Variants in SPRR3 observed in about 807,000 individuals in gnomAD.
SPRR3 encodes small proline rich protein 3.
For missense variants in SPRR3, 183 were observed against 200.3 expected (o/e 0.91, Z 0.52); for synonymous variants, 58 against 72.3 (o/e 0.80, Z 1.01).
rs1652786097 is a variant in SPRR3, at chr1:153,001,793, G to A, written c.-20G>A. 1 of 152,224 alleles carries A rather than the reference G, an allele frequency of 6.6e-6. No individual in the cohort carries two copies. Among genetic ancestry groups the A allele is most frequent in the Non-Finnish European group, 1.5e-5 (1 of 68,032 alleles). The allele number at this position is 152,224 out of a possible 1,614,324, so 9.4% of individuals were successfully genotyped here. A position where few individuals can be genotyped will look rare whatever the true frequency, so the allele number is the denominator to read the frequency against. ...ACACCTCGACCTTCTCTGCACAGCAGGTGAGTCTCCGCATTAGGAACACCT... is the reference window on the plus strand; with the variant it reads ...ACACCTCGACCTTCTCTGCACAGCAAGTGAGTCTCCGCATTAGGAACACCT... On this transcript the variant is annotated splice_region_variant and 5_prime_UTR_variant, in exon 1 of 2. Coordinates refer to ENST00000295367, the MANE Select transcript of SPRR3 (RefSeq NM_001097589.2).
In SPRR3 at chr1:153,003,372, C is replaced by G. The variant is rs552941226; in HGVS notation, c.352C>G (p.Pro118Ala). 2 of 1,614,042 alleles carry G rather than the reference C, an allele frequency of 1.2e-6. No individual in the cohort carries two copies. Among genetic ancestry groups the G allele is most frequent in the Non-Finnish European group, 1.7e-6 (2 of 1,180,000 alleles). The stretch of plus-strand genomic sequence containing the variant: ...CCCTGAACCAGGCAGCATCAAGGTC[C>G]CTGACCAAGGCTTCATCAAGTTTCC... ...KVPEPGSIKV[P>A]DQGFIKFPEP... The change falls in exon 2 of 2, where the codon CCT (proline) becomes GCT (alanine). Residue 118 changes from proline to alanine, a missense_variant. Transcript: ENST00000295367.
Position 153,001,774 on chromosome 1 carries a change from C to T in SPRR3, c.-39C>T, listed in dbSNP as rs1454111341. ...ACCAGATCCCAGAGGCTGAACACCT[C>T]GACCTTCTCTGCACAGCAGGTGAGT... On this transcript the variant is annotated 5_prime_UTR_variant, in exon 1 of 2. Transcript: ENST00000295367. The T allele has an allele frequency of 2.0e-5, 3 of 152,226 alleles. No individual in the cohort carries two copies. The highest frequency in any genetic ancestry group is 4.8e-5 in the African/African-American group (2 of 41,458). The allele number at this position is 152,226 out of a possible 1,614,324, so 9.4% of individuals were successfully genotyped here.
Position 153,003,594 on chromosome 1 carries a change from G to T in SPRR3, c.*64G>T. The T allele has an allele frequency of 3.8e-6, 6 of 1,580,786 alleles. No homozygotes were observed. Among genetic ancestry groups the T allele is most frequent in the Non-Finnish European group, 5.2e-6 (6 of 1,162,010 alleles). ...GATGCTGGACACCCTCTTCCCATCT[G>T]TTTCTGTGTCTTAATTGTCTGTAGA... On this transcript the variant is annotated 3_prime_UTR_variant, in exon 2 of 2. Transcript: ENST00000295367.
rs777203750 is a variant in SPRR3 at position 153,003,205 on chromosome 1, CTG to C, written c.186_187del (p.Glu63AlafsTer8). ...CCAGAGCCAGGCTGTACCAAGGTCC[CTG>C]AGCCAGGCTGTACCAAGGTCCCTGA... On this transcript the variant is annotated frameshift_variant, in exon 2 of 2. Transcript: ENST00000295367. LOFTEE classifies it low-confidence loss of function (END_TRUNC). The C allele has an allele frequency of 1.2e-5, 14 of 1,217,242 alleles. No homozygotes were observed. The highest frequency in any genetic ancestry group is 1.2e-4 in the East Asian group (2 of 16,354). The allele number at this position is 1,217,242 out of a possible 1,614,324, so 75.4% of individuals were successfully genotyped here.
At position 153,003,511 on chromosome 1, in the gene SPRR3, A is replaced by G. The variant is rs145284508; in HGVS notation, c.491A>G (p.Gln164Arg). Residue 164 changes from glutamine to arginine, a missense_variant, in exon 2 of 2, where the codon CAG becomes CGG. Physicochemically the swap from Gln to Arg is conservative, Grantham distance 43. Coordinates refer to ENST00000295367, the MANE Select transcript of SPRR3 (RefSeq NM_001097589.2). ...ACGGTCACTCCAGGCCCAGCTCAGCAGAAGACCAAGCAGAAGTAATTTGGT... is the reference window on the plus strand; with the variant it reads ...ACGGTCACTCCAGGCCCAGCTCAGCGGAAGACCAAGCAGAAGTAATTTGGT... Reference protein sequence around the residue: ...PSTVTPGPAQQKTKQK With the variant: ...PSTVTPGPAQRKTKQK 2 of 1,613,804 alleles carry G rather than the reference A, an allele frequency of 1.2e-6. No individual in the cohort carries two copies. Among genetic ancestry groups the G allele is most frequent in the African/African-American group, 2.7e-5 (2 of 75,040 alleles).
At position 153,003,759 on chromosome 1, in the gene SPRR3, C is replaced by T; in HGVS notation, c.*229C>T. 5 of 618,890 alleles carry T rather than the reference C, an allele frequency of 8.1e-6. No homozygotes were observed. Among genetic ancestry groups the T allele is most frequent in the South Asian group, 2.7e-5 (1 of 37,620 alleles). The allele number at this position is 618,890 out of a possible 1,614,324, so 38.3% of individuals were successfully genotyped here. A position where few individuals can be genotyped will look rare whatever the true frequency, so the allele number is the denominator to read the frequency against. Reference sequence around the variant, plus strand: ...TGAATTAAGCAGAAAGTCTTCATGGCTTTTCTGGTCTTCGGCTGCTCAGGG... The same window carrying T: ...TGAATTAAGCAGAAAGTCTTCATGGTTTTTCTGGTCTTCGGCTGCTCAGGG... On this transcript the variant is annotated 3_prime_UTR_variant, in exon 2 of 2. Coordinates refer to ENST00000295367, the MANE Select transcript of SPRR3 (RefSeq NM_001097589.2).
Position 153,003,314 on chromosome 1 carries a change from TACCAAGGTCCCTGAGCCAGGCTAC to T in SPRR3, c.309_332del (p.Tyr106_Gly113del). 1.2e-6 allele frequency: 2 copies of T among 1,604,662 alleles called. No individual in the cohort carries two copies. The highest frequency in any genetic ancestry group is 1.7e-6 in the Non-Finnish European group (2 of 1,176,012). On this transcript the variant is annotated inframe_deletion, in exon 2 of 2. Coordinates refer to ENST00000295367, the MANE Select transcript of SPRR3 (RefSeq NM_001097589.2). ...GTACCAAGGTCCCTGAGCCAGGTTG[TACCAAGGTCCCTGAGCCAGGCTAC>T]ACCAAGGTCCCTGAACCAGGCAGCA...
At chr1:153,002,869 T>C (rs1652822347) in intron 1 of SPRR3, 133 bp from the exon 2 acceptor site, 1 of 977,594 alleles carries the variant, frequency 1.0e-6, no homozygotes, top group African/African-American at 1.7e-5. Context: ...CATCCCATGA[T>C]CTCAAATTCA....
Position 153,003,223 on chromosome 1 carries a change from AGGTCCCT to A in SPRR3, c.205_211del (p.Val69SerfsTer129), listed in dbSNP as rs766252232. The A allele has an allele frequency of 6.3e-7, 1 of 1,587,608 alleles. No homozygotes were observed. Among genetic ancestry groups the A allele is most frequent in the African/African-American group, 1.4e-5 (1 of 72,960 alleles). ...AAGGTCCCTGAGCCAGGCTGTACCA[AGGTCCCT>A]GAGCCAGGCTGTACCAAGGTCCCTG... On this transcript the variant is annotated frameshift_variant, in exon 2 of 2. Transcript: ENST00000295367. LOFTEE classifies it low-confidence loss of function (END_TRUNC).
chr1:153,003,727 A>C lies in SPRR3; in HGVS notation c.*197A>C. 1 of 797,036 alleles carries C rather than the reference A, an allele frequency of 1.3e-6. No individual in the cohort carries two copies. The highest frequency in any genetic ancestry group is 2.0e-6 in the Non-Finnish European group (1 of 510,834). 49.4% of individuals were successfully genotyped at this position (797,036 alleles called of 1,614,324 possible). A position where few individuals can be genotyped will look rare whatever the true frequency, so the allele number is the denominator to read the frequency against. On this transcript the variant is annotated 3_prime_UTR_variant, in exon 2 of 2. Transcript: ENST00000295367. The stretch of plus-strand genomic sequence containing the variant: ...TCACACACACTCTGAAGAATCCTGT[A>C]AGCCCCTGAATTAAGCAGAAAGTCT...
Position 153,003,500 on chromosome 1 carries a change from C to G in SPRR3, c.480C>G (p.Gly160=). The G allele has an allele frequency of 6.2e-7, 1 of 1,613,984 alleles. No individual in the cohort carries two copies. Among genetic ancestry groups the G allele is most frequent in the Non-Finnish European group, 8.5e-7 (1 of 1,179,950 alleles). The change falls in exon 2 of 2, where the codon GGC becomes GGG. Residue 160 remains glycine, a synonymous_variant. Coordinates refer to ENST00000295367, the MANE Select transcript of SPRR3 (RefSeq NM_001097589.2). ...PEPCPSTVTP[G]PAQQKTKQK ...CATGTCCTTCAACGGTCACTCCAGG[C>G]CCAGCTCAGCAGAAGACCAAGCAGA...
chr1:153,002,821 T>A, intron 1 of SPRR3, 181 bp from the exon 2 acceptor site: 1 of 670,186 alleles, frequency 1.5e-6, no homozygotes, highest in Non-Finnish European at 2.5e-6. Flanking sequence ...AAATCAACTT[T>A]ACCTTATTCT....
In SPRR3 at chr1:153,003,515, G is replaced by C. The variant is rs1446248671; in HGVS notation, c.495G>C (p.Lys165Asn). The stretch of plus-strand genomic sequence containing the variant: ...TCACTCCAGGCCCAGCTCAGCAGAA[G>C]ACCAAGCAGAAGTAATTTGGTGCAC... ...STVTPGPAQQ[K>N]TKQK Residue 165 changes from lysine (K) to asparagine (N), a missense_variant, in exon 2 of 2, where the codon AAG (lysine) becomes AAC (asparagine). Physicochemically the swap from Lys to Asn is moderately conservative, Grantham distance 94. Coordinates refer to ENST00000295367, the MANE Select transcript of SPRR3 (RefSeq NM_001097589.2). The C allele has an allele frequency of 7.4e-6, 12 of 1,613,500 alleles. No individual in the cohort carries two copies. The highest frequency in any genetic ancestry group is 1.0e-5 in the Non-Finnish European group (12 of 1,179,628).
In SPRR3 at chr1:153,003,091, C is replaced by T. The variant is rs1285507977; in HGVS notation, c.71C>T (p.Pro24Leu). 2 of 1,614,030 alleles carry T rather than the reference C, an allele frequency of 1.2e-6. No individual in the cohort carries two copies. Among genetic ancestry groups the T allele is most frequent in the African/African-American group, 1.3e-5 (1 of 74,922 alleles). The change falls in exon 2 of 2, where the codon CCC (proline) becomes CTC (leucine). Residue 24 changes from proline to leucine, a missense_variant. Pro to Leu is a moderately conservative substitution (Grantham distance 98, BLOSUM62 -3). Coordinates refer to ENST00000295367, the MANE Select transcript of SPRR3 (RefSeq NM_001097589.2). ...CTTCAACAGCAGCAGGTGAAACAAC[C>T]CAGCCAGCCTCCACCTCAGGAAATA... is the stretch of plus-strand genomic sequence containing the variant. ...PQLQQQQVKQ[P>L]SQPPPQEIFV... is the part of the protein sequence containing the mutation.
At position 153,003,382 on chromosome 1, in the gene SPRR3, G is replaced by T. The variant is rs763299329; in HGVS notation, c.362G>T (p.Gly121Val). 1.2e-6 allele frequency: 2 copies of T among 1,614,024 alleles called. No individual in the cohort carries two copies. The highest frequency in any genetic ancestry group is 1.7e-6 in the Non-Finnish European group (2 of 1,179,984). The change falls in exon 2 of 2, where the codon GGC becomes GTC. Residue 121 changes from glycine to valine, a missense_variant. By Grantham distance (109) the Gly-to-Val change is moderately radical (BLOSUM62 -3). Transcript: ENST00000295367. ...GGCAGCATCAAGGTCCCTGACCAAG[G>T]CTTCATCAAGTTTCCTGAGCCAGGT... ...EPGSIKVPDQGFIKFPEPGAI... is the reference protein window; with the variant it reads ...EPGSIKVPDQVFIKFPEPGAI...
rs1319568438 is a variant in SPRR3 at position 153,003,613 on chromosome 1, C to A, written c.*83C>A. 7 of 1,537,554 alleles carry A rather than the reference C, an allele frequency of 4.6e-6. No individual in the cohort carries two copies. The Admixed American group carries it at 9.7e-5, about 21-fold the overall frequency. On this transcript the variant is annotated 3_prime_UTR_variant, in exon 2 of 2. Coordinates refer to ENST00000295367, the MANE Select transcript of SPRR3 (RefSeq NM_001097589.2). ...CCATCTGTTTCTGTGTCTTAATTGT[C>A]TGTAGACCTTGTAATCAGCACATTG... is the stretch of plus-strand genomic sequence containing the variant.
rs764772940 is a variant in SPRR3 at position 153,003,135 on chromosome 1, G to A, written c.115G>A (p.Glu39Lys). Residue 39 changes from glutamate to lysine, a missense_variant, in exon 2 of 2, where the codon GAG becomes AAG. Physicochemically the swap from Glu to Lys is moderately conservative, Grantham distance 56. Transcript: ENST00000295367. ...PQEIFVPTTK[E>K]PCHSKVPQPG... ...GGAAATATTTGTTCCCACAACCAAG[G>A]AGCCATGCCACTCAAAGGTTCCACA... 3.7e-6 allele frequency: 6 copies of A among 1,613,886 alleles called. No individual in the cohort carries two copies. In the South Asian group the frequency reaches 5.5e-5, roughly 15 times the overall value.
Position 153,003,078 on chromosome 1 carries a change from C to G in SPRR3, c.58C>G (p.Gln20Glu), listed in dbSNP as rs1343841755. The change falls in exon 2 of 2, where the codon CAG becomes GAG. Residue 20 changes from glutamine to glutamate, a missense_variant. By Grantham distance (29) the Gln-to-Glu change is conservative. Coordinates refer to ENST00000295367, the MANE Select transcript of SPRR3 (RefSeq NM_001097589.2). ...FTPPPQLQQQ[Q>E]VKQPSQPPPQ... Reference sequence around the variant, plus strand: ...CCCACCACCTCAGCTTCAACAGCAGCAGGTGAAACAACCCAGCCAGCCTCC... The same window carrying G: ...CCCACCACCTCAGCTTCAACAGCAGGAGGTGAAACAACCCAGCCAGCCTCC... 1.2e-6 allele frequency: 2 copies of G among 1,614,150 alleles called. No individual in the cohort carries two copies. The highest frequency in any genetic ancestry group is 2.2e-5 in the South Asian group (2 of 91,076).
rs1319568438 is a variant in SPRR3 at position 153,003,613 on chromosome 1, C to G, written c.*83C>G. The G allele has an allele frequency of 6.5e-7, 1 of 1,537,554 alleles. No homozygotes were observed. Among genetic ancestry groups the G allele is most frequent in the East Asian group, 2.3e-5 (1 of 43,792 alleles). On this transcript the variant is annotated 3_prime_UTR_variant, in exon 2 of 2. Transcript: ENST00000295367. ...CCATCTGTTTCTGTGTCTTAATTGT[C>G]TGTAGACCTTGTAATCAGCACATTG...
Sources: allele counts gnomAD v4.1 joint callset, GRCh38; gene constraint gnomAD v4.1.1; transcripts MANE v1.5; gene names NCBI Gene and HGNC (gene_info 2026-07-23, HGNC 2026-07-21).